Variants in UXS1 observed in about 807,000 individuals in gnomAD.
UXS1 encodes UDP-glucuronate decarboxylase 1, also known as UDP-glucuronic acid decarboxylase 1.
In UXS1, 33 loss-of-function variants were observed where a neutral mutation model predicts 62.6. The observed-to-expected ratio is 0.53, with a 90% CI of 0.40 to 0.70. The LOEUF (loss-of-function observed/expected upper bound fraction) is 0.70, where lower values mean the gene tolerates loss of function less well. Ranked by LOEUF, UXS1 falls within the 30% of genes least tolerant of loss-of-function variation. UXS1 has a pLI of 0.00. For missense variants in UXS1, 434 were observed against 556.3 expected (o/e 0.78, Z 2.21); for synonymous variants, 213 against 206.8 (o/e 1.03, Z -0.26).
chr2:106,097,541 G>GA (rs1158853092), intron 13 of UXS1: 1 of 260,244 alleles, frequency 3.8e-6, no homozygotes. Flanking sequence ...GCACAGCAGG[G>GA]AAGCTGCACG....
intron 1 of UXS1, among the ~76,000 whole-genome samples, chr2:106,193,453 G>A (rs763382705): frequency 7.9e-5 from 12 of 152,072 alleles, no homozygotes; most frequent in Non-Finnish European, 1.6e-4. Flanking sequence ...CTGTCTCCAG[G>A]CAGCATGCTG....
chr2:106,143,553 G>A (rs557121950), intron 6 of UXS1, among the ~76,000 whole-genome samples: 107 of 150,482 alleles, frequency 7.1e-4, no homozygotes, highest in African/African-American at 2.2e-3. Context: ...ATCCATTCAC[G>A]ATCCGATCTG....
At chr2:106,194,021 C>T (rs867461840) in intron 1 of UXS1, 127 bp downstream of exon 1, 7 of 620,844 alleles carry the variant, frequency 1.1e-5, no homozygotes, top group Middle Eastern at 1.1e-3. Flanking sequence ...AAGCGCCGGC[C>T]CCGCCCGGGG....
At chr2:106,116,387 G>A (rs1204832100) in intron 9 of UXS1, among the ~76,000 whole-genome samples, 4 of 152,152 alleles carry the variant, frequency 2.6e-5, no homozygotes, top group African/African-American at 9.7e-5. Context: ...AGGACTCAAG[G>A]GCGGTAATGA....
chr2:106,125,901 A>G (rs1679900774), intron 7 of UXS1, among the ~76,000 whole-genome samples: 1 of 152,264 alleles, frequency 6.6e-6, no homozygotes, highest in African/African-American at 2.4e-5. Flanking sequence ...AATACTTGTC[A>G]TAAGCAGGGC....
chr2:106,166,436 T>A (rs966885631), intron 1 of UXS1: 1 of 174,938 alleles, frequency 5.7e-6, no homozygotes, highest in Non-Finnish European at 1.2e-5. Context: ...AGCTACTGAT[T>A]GGCCATATAT....
Position 106,166,271 on chromosome 2 carries a change from C to G in UXS1, c.95-188G>C, listed in dbSNP as rs1421904404. The G allele has an allele frequency of 3.3e-5, 19 of 577,170 alleles. No homozygotes were observed. The East Asian group carries it at 6.0e-4, about 18-fold the overall frequency. 35.8% of individuals were successfully genotyped at this position (577,170 alleles called of 1,614,324 possible). A position where few individuals can be genotyped will look rare whatever the true frequency, so the allele number is the denominator to read the frequency against. On this transcript the variant is annotated intron_variant, in intron 1 of 14. Coordinates refer to ENST00000283148, the MANE Select transcript of UXS1 (RefSeq NM_001253875.2). ...ACTACAAAATAAGTAAAAACAGGAT[C>G]GTAGAGTTTATTCAGGCCAAGTTTG...
Position 106,144,117 on chromosome 2 carries a change from T to C in UXS1, c.472+1073A>G, listed in dbSNP as rs539757052. Among the ~76,000 whole-genome samples, 13 of 152,316 alleles carry C rather than the reference T, an allele frequency of 8.5e-5. 1 individual carries two copies. In the East Asian group the frequency reaches 2.5e-3, roughly 29 times the overall value. On this transcript the variant is annotated intron_variant, in intron 6 of 14. Transcript: ENST00000283148. ...GTGAGAATCTGCTTGCCAGGCCCTG[T>C]CACATGTATGACCTCAGTTAACCCC...
intron 6 of UXS1, among the ~76,000 whole-genome samples, chr2:106,144,689 G>A (rs1035398755): frequency 2.0e-4 from 31 of 152,156 alleles, no homozygotes; most frequent in South Asian, 2.1e-4. Context: ...GGGTGCTGGT[G>A]AGGACCTGCT....
chr2:106,186,445 T>C (rs532694156), intron 1 of UXS1, among the ~76,000 whole-genome samples: 675 of 17,934 alleles, frequency 0.038, 2 homozygotes, highest in Non-Finnish European at 0.068. Flanking sequence ...TGGGCTTTTA[T>C]ATATATATAT....
intron 1 of UXS1, among the ~76,000 whole-genome samples, chr2:106,186,661 T>A (rs553190100): frequency 7.9e-5 from 12 of 152,014 alleles, no homozygotes; most frequent in South Asian, 2.1e-4. Context: ...CAAAAAAAAA[T>A]TTTTTAATTA....
intron 6 of UXS1, chr2:106,138,156 C>G: frequency 1.0e-6 from 1 of 985,070 alleles, no homozygotes; most frequent in Non-Finnish European, 1.2e-6. Flanking sequence ...AAACAGAAAG[C>G]CACTATCATT....
At chr2:106,145,441 C>A (rs575924854) in intron 5 of UXS1, 71 bp from the exon 6 acceptor site, 2 of 1,489,088 alleles carry the variant, frequency 1.3e-6, no homozygotes, top group Non-Finnish European at 9.0e-7. Flanking sequence ...ACCAGCTCCA[C>A]GGAGAGACAT....
chr2:106,117,483 T>C (rs1246961761), intron 9 of UXS1, among the ~76,000 whole-genome samples: 1 of 152,176 alleles, frequency 6.6e-6, no homozygotes, highest in Non-Finnish European at 1.5e-5. Context: ...AAGAACCTGC[T>C]GATGGTGTTA....
chr2:106,096,342 G>A (rs1677096902), intron 14 of UXS1, among the ~76,000 whole-genome samples: 1 of 152,188 alleles, frequency 6.6e-6, no homozygotes, highest in Non-Finnish European at 1.5e-5. Context: ...GAGTATACTT[G>A]TATTAAGTGT....
Position 106,129,714 on chromosome 2 carries a change from C to T in UXS1, c.537G>A (p.Lys179=). 6.2e-7 allele frequency: 1 copy of T among 1,612,448 alleles called. No individual in the cohort carries two copies. Among genetic ancestry groups the T allele is most frequent in the Non-Finnish European group, 8.5e-7 (1 of 1,179,196 alleles). The part of the protein sequence containing the change: ...SPPNYMYNPI[K]TLKTNTIGTL... ...TCCCAATCGTATTGGTCTTTAATGT[C>T]TTGATAGGATTATACATGTAGTTTG... The change falls in exon 7 of 15, where the codon AAG becomes AAA. Residue 179 remains lysine, a synonymous_variant. Transcript: ENST00000283148.
chr2:106,102,949 G>A (rs1053459553), intron 11 of UXS1: 1 of 152,332 alleles, frequency 6.6e-6, no homozygotes, highest in East Asian at 1.9e-4. Flanking sequence ...AAATACTACT[G>A]AAGTGTTATG....
chr2:106,117,169 C>T (rs575067009), intron 9 of UXS1, among the ~76,000 whole-genome samples: 3 of 152,272 alleles, frequency 2.0e-5, no homozygotes, highest in Admixed American at 6.5e-5. Context: ...TGAGTGAGTA[C>T]GCCCTGTGAG....
chr2:106,173,275 C>T (rs1214905963), intron 1 of UXS1, among the ~76,000 whole-genome samples: 2 of 152,192 alleles, frequency 1.3e-5, no homozygotes, highest in Admixed American at 6.5e-5. Flanking sequence ...AGTCAGAAAA[C>T]TGTAGGCTGG....
Sources: gnomAD v4.1 joint callset for allele counts (sites outside exome capture counted in the v4.1 genomes callset) on GRCh38, gnomAD v4.1.1 for gene constraint, MANE v1.5 for transcripts, NCBI Gene and HGNC (gene_info 2026-07-23, HGNC 2026-07-21) for gene names.